Variants in LRRC37A observed in about 807,000 individuals in gnomAD.
The protein encoded by LRRC37A is leucine rich repeat containing 37A, also known as leucine-rich repeat-containing protein 37A.
In LRRC37A, 3 loss-of-function variants were observed where a neutral mutation model predicts 35.4. The ratio of observed to expected loss-of-function variants is 0.08; its 90% CI spans 0.04 to 0.22. The LOEUF (loss-of-function observed/expected upper bound fraction) is 0.22, where lower values mean the gene tolerates loss of function less well. Among genes scored for constraint, LRRC37A ranks in the 10% least tolerant of loss-of-function variants. The pLI is 1.00. For missense variants in LRRC37A, 67 were observed against 565.3 expected (o/e 0.12, Z 8.94); for synonymous variants, 23 against 215.0 (o/e 0.11, Z 7.81).
At position 46,302,495 on chromosome 17, in the gene LRRC37A, A is replaced by G. The variant is rs908945351; in HGVS notation, c.2682-143A>G. 2.0e-4 allele frequency: 35 copies of G among 177,018 alleles called. 8 individuals carry two copies. Among genetic ancestry groups the G allele is most frequent in the African/African-American group, 1.1e-3 (34 of 31,384 alleles). The allele number at this position is 177,018 out of a possible 1,614,324, so 11.0% of individuals were successfully genotyped here. On this transcript the variant is annotated intron_variant, in intron 2 of 13. Transcript: ENST00000320254. Reference sequence around the variant, plus strand: ...ATGGACACAAAAAGGAAAATATAAGAAAAGGTTTGAATGAAAGCAGAGCAG... The same window carrying G: ...ATGGACACAAAAAGGAAAATATAAGGAAAGGTTTGAATGAAAGCAGAGCAG...
At chr17:46,279,985 T>C in the LRRC37A span, among the ~76,000 whole-genome samples, 21,701 of 152,034 alleles carry the variant, frequency 0.14, 1,875 homozygotes, top group Non-Finnish European at 0.22. Flanking sequence ...AGGATTTGGA[T>C]TGCTTACCGC....
intron 10 of LRRC37A, among the ~76,000 whole-genome samples, chr17:46,332,898 T>C (rs1354843286): frequency 1.3e-5 from 2 of 151,378 alleles, no homozygotes; most frequent in Non-Finnish European, 2.9e-5. Flanking sequence ...CTAGACTATT[T>C]TAAGAAGTCG....
the LRRC37A span, chr17:46,260,648 A>C: frequency 1.5e-6 from 2 of 1,339,052 alleles, no homozygotes; most frequent in Non-Finnish European, 2.0e-6. Context: ...TTTGAGACGT[A>C]GTTTCACTCT....
chr17:46,268,659 C>T, the LRRC37A span: 1 of 1,536,958 alleles, frequency 6.5e-7, no homozygotes, highest in Non-Finnish European at 8.8e-7. Flanking sequence ...AAGGGAAGGG[C>T]AAATTCAAGG....
chr17:46,281,576 C>G, the LRRC37A span, among the ~76,000 whole-genome samples: 1 of 152,162 alleles, frequency 6.6e-6, no homozygotes, highest in Non-Finnish European at 1.5e-5. Context: ...ACTACAGGTG[C>G]ACGCCACTAT....
At chr17:46,275,262 A>G in the LRRC37A span, 1 of 508,326 alleles carries the variant, frequency 2.0e-6, no homozygotes, top group Non-Finnish European at 3.2e-6. Flanking sequence ...ACCAATAAAA[A>G]CAAAGTTTAG....
Position 46,314,539 on chromosome 17 carries a change from T to C in LRRC37A, c.2907-7783T>C. Reference sequence around the variant, plus strand: ...CACGTTTATCCGTTTATCAGGCTGCTCTCGAACTCCTAACCTCAGATGATC... The same window carrying C: ...CACGTTTATCCGTTTATCAGGCTGCCCTCGAACTCCTAACCTCAGATGATC... On this transcript the variant is annotated intron_variant, in intron 5 of 13. Coordinates refer to ENST00000320254, the Ensembl canonical transcript of LRRC37A. 2.5e-5 allele frequency among the ~76,000 whole-genome samples: 2 copies of C among 79,288 alleles called. 1 individual carries two copies. Among genetic ancestry groups the C allele is most frequent in the East Asian group, 4.9e-4 (2 of 4,092 alleles). The allele number at this position is 79,288 out of a possible 152,430, so 52.0% of individuals were successfully genotyped here.
chr17:46,292,565 G>A (rs529291019), upstream of LRRC37A, among the ~76,000 whole-genome samples: 4 of 77,254 alleles, frequency 5.2e-5, 2 homozygotes, highest in South Asian at 2.5e-3. Flanking sequence ...ACCGAGGATT[G>A]TATTACTACA....
chr17:46,289,988 G>A (rs559838887), upstream of LRRC37A, among the ~76,000 whole-genome samples: 29 of 152,338 alleles, frequency 1.9e-4, 1 homozygote, highest in Admixed American at 1.4e-3. Context: ...GTGTGGTGGC[G>A]CATGCCTGTA....
chr17:46,275,776 C>T, the LRRC37A span, among the ~76,000 whole-genome samples: 97 of 151,888 alleles, frequency 6.4e-4, no homozygotes, highest in South Asian at 6.6e-3. Flanking sequence ...TTTATTTACA[C>T]GGATGAGGGG....
the LRRC37A span, among the ~76,000 whole-genome samples, chr17:46,286,381 C>A: frequency 3.9e-5 from 6 of 152,220 alleles, no homozygotes; most frequent in African/African-American, 1.4e-4. Context: ...AATCTTTCAA[C>A]TAGTACTGTA....
chr17:46,262,722 T>C, the LRRC37A span, among the ~76,000 whole-genome samples: 2 of 150,064 alleles, frequency 1.3e-5, no homozygotes, highest in African/African-American at 2.5e-5. Context: ...GAGGCGGAGG[T>C]TGCGGTGAGC....
the LRRC37A span, chr17:46,267,176 G>A: frequency 3.5e-6 from 2 of 572,592 alleles, no homozygotes; most frequent in Non-Finnish European, 3.0e-6. Flanking sequence ...CCGCGCCGCC[G>A]CCCCGCGAGC....
the LRRC37A span, chr17:46,267,551 GTACTTTA>G: frequency 6.2e-7 from 1 of 1,612,876 alleles, no homozygotes; most frequent in Non-Finnish European, 8.5e-7. Context: ...CGCTGCATAT[GTACTTTA>G]TACCACCGTT....
At chr17:46,271,573 G>A in the LRRC37A span, among the ~76,000 whole-genome samples, 25 of 152,208 alleles carry the variant, frequency 1.6e-4, no homozygotes, top group African/African-American at 6.0e-4. Context: ...AAGTCCACCA[G>A]GTTGGCTCTT....
the LRRC37A span, among the ~76,000 whole-genome samples, chr17:46,270,943 T>C: frequency 3.3e-5 from 5 of 152,326 alleles, no homozygotes; most frequent in South Asian, 1.0e-3. Context: ...TTTCTTTAGT[T>C]GAATTTGGTT....
At chr17:46,264,287 C>CGG in the LRRC37A span, among the ~76,000 whole-genome samples, 8 of 152,066 alleles carry the variant, frequency 5.3e-5, no homozygotes, top group Non-Finnish European at 1.0e-4. Flanking sequence ...TTATACAACA[C>CGG]ACAGTAGATG....
chr17:46,327,239 C>A (rs923877707), intron 7 of LRRC37A, among the ~76,000 whole-genome samples: 2 of 71,358 alleles, frequency 2.8e-5, no homozygotes, highest in Admixed American at 3.0e-4. Context: ...GCCTGTAATA[C>A]TAAGTTTGAT....
At chr17:46,265,628 C>T in the LRRC37A span, among the ~76,000 whole-genome samples, 21,905 of 151,738 alleles carry the variant, frequency 0.14, 2,145 homozygotes, top group Non-Finnish European at 0.22. Flanking sequence ...AAGGCGTGAG[C>T]TACCATGCCC....
Sources: allele counts gnomAD v4.1 joint callset (sites outside exome capture counted in the v4.1 genomes callset), GRCh38; gene constraint gnomAD v4.1.1; transcripts MANE v1.5; gene names NCBI Gene and HGNC (gene_info 2026-07-23, HGNC 2026-07-21).